Variants in ANKRD17 observed in about 807,000 individuals in gnomAD.
ANKRD17 encodes ankyrin repeat domain 17, also known as ankyrin repeat domain-containing protein 17.
In ANKRD17, 19 loss-of-function variants were observed where a neutral mutation model predicts 229.7. The ratio of observed to expected loss-of-function variants is 0.08; its 90% CI spans 0.06 to 0.12. ANKRD17 has a LOEUF of 0.12. Ranked by LOEUF, ANKRD17 falls within the 10% of genes least tolerant of loss-of-function variation. The pLI is 1.00. For missense variants in ANKRD17, 2,176 were observed against 3,176.8 expected (o/e 0.68, Z 7.57); for synonymous variants, 1,112 against 1,146.1 (o/e 0.97, Z 0.60).
At chr4:73,209,563 G>A (rs1739975532) in intron 1 of ANKRD17, among the ~76,000 whole-genome samples, 1 of 152,038 alleles carries the variant, frequency 6.6e-6, no homozygotes, top group Non-Finnish European at 1.5e-5. Context: ...CAATGCAATC[G>A]ACCCAAACTT....
At chr4:73,155,534 G>A (rs978479651) in intron 5 of ANKRD17, 97 bp downstream of exon 5, 1 of 1,370,260 alleles carries the variant, frequency 7.3e-7, no homozygotes, top group Admixed American at 1.9e-5. Context: ...TCTAATAAGA[G>A]AACTGAAAAA....
chr4:73,223,934 T>C (rs548948305), intron 1 of ANKRD17, among the ~76,000 whole-genome samples: 19 of 152,178 alleles, frequency 1.2e-4, no homozygotes, highest in African/African-American at 4.6e-4. Flanking sequence ...TTATACAACT[T>C]TGAATATGAA....
intron 2 of ANKRD17, among the ~76,000 whole-genome samples, chr4:73,173,446 A>G (rs1734307250): frequency 6.6e-6 from 1 of 152,194 alleles, no homozygotes; most frequent in Non-Finnish European, 1.5e-5. Context: ...CAGAGAGGAG[A>G]GGAGACAGGG....
chr4:73,112,741 T>C (rs1725466560), intron 24 of ANKRD17: 1 of 791,674 alleles, frequency 1.3e-6, no homozygotes. Context: ...CCTTTATAAA[T>C]TTAAATAGTA....
intron 1 of ANKRD17, among the ~76,000 whole-genome samples, chr4:73,224,573 A>T (rs576869549): frequency 2.9e-4 from 44 of 152,274 alleles, no homozygotes; most frequent in African/African-American, 8.9e-4. Context: ...TCTTTTTTTA[A>T]AAAAATAAAC....
chr4:73,171,900 T>C (rs1293600547), intron 2 of ANKRD17, among the ~76,000 whole-genome samples: 1 of 151,938 alleles, frequency 6.6e-6, no homozygotes, highest in African/African-American at 2.4e-5. Context: ...TAAAAAAGAA[T>C]GAAGCATGCC....
chr4:73,169,562 C>T (rs956367702), intron 2 of ANKRD17, among the ~76,000 whole-genome samples: 1 of 152,130 alleles, frequency 6.6e-6, no homozygotes, highest in Non-Finnish European at 1.5e-5. Context: ...CACCCCTCCC[C>T]AAGTTTGGCA....
chr4:73,192,143 A>G (rs1286497639), intron 1 of ANKRD17, among the ~76,000 whole-genome samples: 1 of 152,114 alleles, frequency 6.6e-6, no homozygotes, highest in Non-Finnish European at 1.5e-5. Flanking sequence ...ATTAATAGTG[A>G]CATTTCCCCC....
Position 73,120,293 on chromosome 4 carries a change from C to T in ANKRD17, c.3894G>A (p.Ala1298=), listed in dbSNP as rs139894750. The T allele has an allele frequency of 1.8e-3, 2,926 of 1,614,016 alleles. 8 individuals carry two copies. Among genetic ancestry groups the T allele is most frequent in the African/African-American group, 5.4e-3 (403 of 74,992 alleles). Reference sequence around the variant, plus strand: ...TATCCAAAAGAACTCGGCCCACCTCCGCATATCCACCAGAGGCAGCTTCCA... The same window carrying T: ...TATCCAAAAGAACTCGGCCCACCTCTGCATATCCACCAGAGGCAGCTTCCA... The part of the protein sequence containing the change: ...PLMEAASGGY[A]EVGRVLLDKG... Residue 1298 remains alanine (A), a synonymous_variant, in exon 21 of 34, where the codon GCG becomes GCA. Transcript: ENST00000358602.
intron 1 of ANKRD17, among the ~76,000 whole-genome samples, chr4:73,250,589 CA>C (rs35160047): frequency 0.15 from 4,497 of 29,110 alleles, 33 homozygotes; most frequent in Admixed American, 0.23. Context: ...GACCTTGTCT[CA>C]AAAAAAAAAA....
chr4:73,249,625 G>A (rs1744804925), intron 1 of ANKRD17, among the ~76,000 whole-genome samples: 3 of 152,006 alleles, frequency 2.0e-5, no homozygotes, highest in South Asian at 4.1e-4. Context: ...GGAAGGCCGA[G>A]GGGGGCGGAT....
rs1553933228 is a variant in ANKRD17 at position 73,191,341 on chromosome 4, A to ATATGTGTGTGTGTGTGTGTG, written c.394-13809_394-13808insCACACACACACACACACATA. Among the ~76,000 whole-genome samples, 292 of 125,282 alleles carry ATATGTGTGTGTGTGTGTGTG rather than the reference A, an allele frequency of 2.3e-3. 1 individual carries two copies. Among genetic ancestry groups the ATATGTGTGTGTGTGTGTGTG allele is most frequent in the East Asian group, 0.015 (60 of 4,086 alleles). The allele number at this position is 125,282 out of a possible 152,430, so 82.2% of individuals were successfully genotyped here. ...AATAGGCCCCTACCAAAAAATATATATGTGTGTGTGTGTGTGTGTGTGTGT... is the reference window on the plus strand; with the variant it reads ...AATAGGCCCCTACCAAAAAATATATATATGTGTGTGTGTGTGTGTGTGTGTGTGTGTGTGTGTGTGTGTGT... On this transcript the variant is annotated intron_variant, in intron 1 of 33. Coordinates refer to ENST00000358602, the MANE Select transcript of ANKRD17 (RefSeq NM_032217.5).
chr4:73,171,218 A>AGAGG (rs1733989743), intron 2 of ANKRD17, among the ~76,000 whole-genome samples: 1 of 150,650 alleles, frequency 6.6e-6, no homozygotes, highest in African/African-American at 2.5e-5. Flanking sequence ...AGAGAGAGAG[A>AGAGG]GAGACTGAGA....
At chr4:73,142,895 T>G in intron 11 of ANKRD17, 128 bp from the exon 12 acceptor site, 4 of 1,013,046 alleles carry the variant, frequency 3.9e-6, no homozygotes, top group Non-Finnish European at 5.5e-6. Flanking sequence ...TACCGAGCTT[T>G]AATGATTATA....
chr4:73,232,981 C>T (rs1743195481), intron 1 of ANKRD17, among the ~76,000 whole-genome samples: 1 of 152,168 alleles, frequency 6.6e-6, no homozygotes, highest in African/African-American at 2.4e-5. Flanking sequence ...CCTTGGCCTC[C>T]CAAAGTGCTG....
chr4:73,250,589 CAAA>C (rs35160047), intron 1 of ANKRD17, among the ~76,000 whole-genome samples: 33 of 29,408 alleles, frequency 1.1e-3, no homozygotes, highest in African/African-American at 4.5e-3. Context: ...GACCTTGTCT[CAAA>C]AAAAAAAAAA....
At chr4:73,094,682 CAT>C (rs1036717511) in intron 27 of ANKRD17, among the ~76,000 whole-genome samples, 25 of 149,092 alleles carry the variant, frequency 1.7e-4, no homozygotes, top group African/African-American at 5.2e-4. Context: ...TATATATAGA[CAT>C]ATATATGTAT....
chr4:73,217,232 A>T (rs1403736518), intron 1 of ANKRD17, among the ~76,000 whole-genome samples: 1 of 152,212 alleles, frequency 6.6e-6, no homozygotes, highest in African/African-American at 2.4e-5. Flanking sequence ...TAATACATTG[A>T]TTCACATACT....
chr4:73,200,359 G>A (rs948773446), intron 1 of ANKRD17, among the ~76,000 whole-genome samples: 1 of 152,114 alleles, frequency 6.6e-6, no homozygotes. Flanking sequence ...GTACTTGGAA[G>A]GTTAAGGCAG....
Sources: allele counts gnomAD v4.1 joint callset (sites outside exome capture counted in the v4.1 genomes callset), GRCh38; gene constraint gnomAD v4.1.1; transcripts MANE v1.5; gene names NCBI Gene and HGNC (gene_info 2026-07-23, HGNC 2026-07-21).